ADAM9: variants seen among roughly 807,000 people sequenced by gnomAD.
The protein encoded by ADAM9 is disintegrin and metalloproteinase domain-containing protein 9.
In ADAM9, 54 loss-of-function variants were observed where a neutral mutation model predicts 108.1. The observed-to-expected ratio is 0.50, with a 90% CI of 0.40 to 0.63. ADAM9 has a LOEUF of 0.63. ADAM9 is among the 20% of genes least tolerant of loss of function. The probability of loss-of-function intolerance (pLI) is 0.00; values close to 1 mark genes in which losing one functional copy is unlikely to be tolerated. For missense variants in ADAM9, 830 were observed against 997.7 expected (o/e 0.83, Z 2.26); for synonymous variants, 316 against 336.0 (o/e 0.94, Z 0.65).
intron 18 of ADAM9, among the ~76,000 whole-genome samples, chr8:39,089,365 G>GGGT (rs1426478405): frequency 6.6e-6 from 1 of 152,212 alleles, no homozygotes; most frequent in Non-Finnish European, 1.5e-5. Flanking sequence ...TTGGCTCTGT[G>GGGT]GGTGAGGCTA....
intron 8 of ADAM9, among the ~76,000 whole-genome samples, chr8:39,022,573 C>T (rs758498227): frequency 7.9e-5 from 12 of 151,994 alleles, no homozygotes; most frequent in Non-Finnish European, 1.6e-4. Flanking sequence ...TATATCAGGG[C>T]AAATTTTGGA....
Position 39,054,560 on chromosome 8 carries a change from G to A in ADAM9, c.1382G>A (p.Cys461Tyr), listed in dbSNP as rs1838054612. The change falls in exon 13 of 22, where the codon TGT becomes TAT. Residue 461 changes from cysteine to tyrosine, a missense_variant. Physicochemically the swap from Cys to Tyr is radical, Grantham distance 194 (BLOSUM62 -2). Coordinates refer to ENST00000487273, the MANE Select transcript of ADAM9 (RefSeq NM_003816.3). ...GCTGAGTGTGCATATGGTGACTGTT[G>A]TAAAGACTGTCGGGTAAGGAATTCC... ...SFAECAYGDC[C>Y]KDCRFLPGGT... The A allele has an allele frequency of 6.9e-7, 1 of 1,439,692 alleles. No homozygotes were observed. Among genetic ancestry groups the A allele is most frequent in the African/African-American group, 1.5e-5 (1 of 68,004 alleles). The allele number at this position is 1,439,692 out of a possible 1,614,324, so 89.2% of individuals were successfully genotyped here. A position where few individuals can be genotyped will look rare whatever the true frequency, so the allele number is the denominator to read the frequency against.
Position 39,016,105 on chromosome 8 carries a change from A to G in ADAM9, c.334-13A>G. The G allele has an allele frequency of 6.2e-7, 1 of 1,609,556 alleles. No individual in the cohort carries two copies. Among genetic ancestry groups the G allele is most frequent in the Admixed American group, 1.7e-5 (1 of 59,998 alleles). On this transcript the variant is annotated splice_polypyrimidine_tract_variant and intron_variant, in intron 4 of 21. Transcript: ENST00000487273. Reference sequence around the variant, plus strand: ...TAGCAATATTTGAAGATAATACAGTATTTTTCATTTAGAATCATTGTCATT... The same window carrying G: ...TAGCAATATTTGAAGATAATACAGTGTTTTTCATTTAGAATCATTGTCATT...
intron 11 of ADAM9, among the ~76,000 whole-genome samples, chr8:39,036,789 C>T (rs1389626181): frequency 6.6e-6 from 1 of 152,020 alleles, no homozygotes; most frequent in African/African-American, 2.4e-5. Context: ...GTTACTATCT[C>T]CCATCTGTTA....
intron 12 of ADAM9, among the ~76,000 whole-genome samples, chr8:39,044,211 T>G (rs1009011449): frequency 6.6e-6 from 1 of 152,358 alleles, no homozygotes; most frequent in South Asian, 2.1e-4. Flanking sequence ...TCTAAGAGTT[T>G]TACTGTTTCA....
intron 8 of ADAM9, 68 bp from the exon 9 acceptor site, chr8:39,023,088 C>T: frequency 1.5e-6 from 2 of 1,376,172 alleles, no homozygotes; most frequent in East Asian, 2.5e-5. Flanking sequence ...CGTGTTACTT[C>T]ATGTGGTTAA....
chr8:39,093,444 A>T (rs112530162), intron 20 of ADAM9, among the ~76,000 whole-genome samples: 11 of 152,180 alleles, frequency 7.2e-5, no homozygotes, highest in African/African-American at 2.6e-4. Flanking sequence ...TTGATTTTGT[A>T]TTATGCAACT....
At chr8:39,100,506 A>G (rs986194240) in intron 20 of ADAM9, among the ~76,000 whole-genome samples, 11 of 152,012 alleles carry the variant, frequency 7.2e-5, no homozygotes, top group Admixed American at 1.3e-4. Flanking sequence ...AAAAAAAAAA[A>G]AAGATTCAGT....
chr8:39,082,624 ATTT>A lies in ADAM9; in HGVS notation c.1882-6_1882-4del. On this transcript the variant is annotated splice_polypyrimidine_tract_variant and intron_variant, in intron 16 of 21. Coordinates refer to ENST00000487273, the MANE Select transcript of ADAM9 (RefSeq NM_003816.3). ...TGCTCAATCTTTCTTTACTTAGTTC[ATTT>A]TTTTTTTTTTCAGATCTGTAGAAAC... The A allele has an allele frequency of 1.1e-5, 13 of 1,222,542 alleles. No individual in the cohort carries two copies. Among genetic ancestry groups the A allele is most frequent in the South Asian group, 1.4e-5 (1 of 73,000 alleles). 75.7% of individuals were successfully genotyped at this position (1,222,542 alleles called of 1,614,324 possible). A position where few individuals can be genotyped will look rare whatever the true frequency, so the allele number is the denominator to read the frequency against.
chr8:39,020,022 A>G (rs1267687770), intron 7 of ADAM9, among the ~76,000 whole-genome samples: 1 of 152,260 alleles, frequency 6.6e-6, no homozygotes, highest in Non-Finnish European at 1.5e-5. Context: ...GCAGTGGCTC[A>G]CGCCTGTAAT....
intron 11 of ADAM9, among the ~76,000 whole-genome samples, chr8:39,040,665 G>A (rs1837431914): frequency 6.6e-6 from 1 of 152,136 alleles, no homozygotes; most frequent in South Asian, 2.1e-4. Flanking sequence ...TTTTCATTTT[G>A]TTGGTTGTTA....
chr8:39,052,786 C>T (rs1393959928), intron 12 of ADAM9, among the ~76,000 whole-genome samples: 2 of 152,146 alleles, frequency 1.3e-5, no homozygotes, highest in Non-Finnish European at 2.9e-5. Flanking sequence ...TGTTTTTGAA[C>T]TGGCCAGCAT....
chr8:39,023,311 T>A lies in ADAM9; in HGVS notation c.900T>A (p.Ser300Arg). 6.2e-7 allele frequency: 1 copy of A among 1,612,282 alleles called. No individual in the cohort carries two copies. The highest frequency in any genetic ancestry group is 8.5e-7 in the Non-Finnish European group (1 of 1,179,156). Residue 300 changes from serine to arginine, a missense_variant, in exon 9 of 22, where the codon AGT becomes AGA. This residue lies in a region of ADAM9 where 381 missense variants were observed against 539.8 expected (regional missense o/e 0.71). Coordinates refer to ENST00000487273, the MANE Select transcript of ADAM9 (RefSeq NM_003816.3). The part of the protein sequence containing the change: ...KFLITRRRHD[S>R]AQLVLKKGFG... ...TTATCACACGTCGGAGACATGACAG[T>A]GCACAGCTAGTTCTGTAAGTATTTT...
chr8:39,017,316 A>C lies in ADAM9; in HGVS notation c.508A>C (p.Lys170Gln). Residue 170 changes from lysine to glutamine, a missense_variant, in exon 6 of 22, where the codon AAA (lysine) becomes CAA (glutamine). By Grantham distance (53) the Lys-to-Gln change is moderately conservative. Around this residue, in one of 3 missense-constraint regions of ADAM9, gnomAD observed 211 missense variants for 222.2 expected, o/e 0.95. Transcript: ENST00000487273. The part of the protein sequence containing the change: ...HIIYRMDDVY[K>Q]EPLKCGVSNK... ...CATTTATCGAATGGATGATGTCTAC[A>C]AAGAGCCTCTGAAATGTGGAGTTTC... 1.9e-6 allele frequency: 3 copies of C among 1,614,194 alleles called. No individual in the cohort carries two copies. The highest frequency in any genetic ancestry group is 2.5e-6 in the Non-Finnish European group (3 of 1,180,038).
rs144174214 is a variant in ADAM9, at chr8:39,068,880, AC to A, written c.1592-2417del. Among the ~76,000 whole-genome samples, 1,269 of 151,796 alleles carry A rather than the reference AC, an allele frequency of 8.4e-3. 18 individuals carry two copies. The highest frequency in any genetic ancestry group is 0.029 in the African/African-American group (1,203 of 41,356). On this transcript the variant is annotated intron_variant, in intron 14 of 21. Transcript: ENST00000487273. ...CTTGAGTCCTGGAACCTTGTGTTCT[AC>A]TCTCTCCAGAAAATAAACCTCCAGT... is the stretch of plus-strand genomic sequence containing the variant.
At chr8:39,038,372 G>C (rs1460274417) in intron 11 of ADAM9, among the ~76,000 whole-genome samples, 1 of 152,102 alleles carries the variant, frequency 6.6e-6, no homozygotes, top group South Asian at 2.1e-4. Flanking sequence ...CAGAGTTTTT[G>C]CATTTGCTAT....
At chr8:39,023,745 T>G (rs1339569457) in intron 9 of ADAM9, among the ~76,000 whole-genome samples, 3 of 135,924 alleles carry the variant, frequency 2.2e-5, no homozygotes, top group Non-Finnish European at 4.8e-5. Flanking sequence ...CGTTTGTTTT[T>G]TTTTTTTTTT....
intron 12 of ADAM9, among the ~76,000 whole-genome samples, chr8:39,052,725 A>G (rs1302695165): frequency 6.6e-6 from 1 of 152,126 alleles, no homozygotes; most frequent in Non-Finnish European, 1.5e-5. Flanking sequence ...TCCTATATAC[A>G]TTATCTATTT....
chr8:39,076,485 A>G (rs990997949), intron 15 of ADAM9, among the ~76,000 whole-genome samples: 2 of 152,222 alleles, frequency 1.3e-5, no homozygotes, highest in African/African-American at 4.8e-5. Context: ...AGATATTGGG[A>G]AAATATATCC....
Sources: allele counts gnomAD v4.1 joint callset (sites outside exome capture counted in the v4.1 genomes callset), GRCh38; gene constraint gnomAD v4.1.1; regional missense constraint gnomAD v4.1.1; transcripts MANE v1.5; gene names NCBI Gene and HGNC (gene_info 2026-07-23, HGNC 2026-07-21).